Variants in DDR2 observed in about 807,000 individuals in gnomAD.
DDR2 encodes discoidin domain-containing receptor 2.
DDR2 carries 27 observed loss-of-function variants against 94.9 expected under a neutral mutation model. The ratio of observed to expected loss-of-function variants is 0.28; its 90% CI spans 0.21 to 0.39. The LOEUF (loss-of-function observed/expected upper bound fraction) is 0.39, where lower values mean the gene tolerates loss of function less well. Ranked by LOEUF, DDR2 falls within the 10% of genes least tolerant of loss-of-function variation. The pLI, the probability that DDR2 is intolerant of heterozygous loss-of-function variation, is 1.00. For synonymous variants in DDR2, 382 were observed against 377.2 expected (o/e 1.01, Z -0.15); for missense variants, 783 against 1,076.0 (o/e 0.73, Z 3.81).
At chr1:162,716,795 A>G (rs1445900776) in intron 2 of DDR2, among the ~76,000 whole-genome samples, 2 of 149,738 alleles carry the variant, frequency 1.3e-5, no homozygotes, top group Non-Finnish European at 3.0e-5. Flanking sequence ...GAAAAAGAAA[A>G]CTCCTTACTC....
intron 15 of DDR2, 93 bp downstream of exon 15, chr1:162,775,936 T>C: frequency 6.5e-7 from 1 of 1,537,986 alleles, no homozygotes; most frequent in Non-Finnish European, 8.9e-7. Flanking sequence ...AGTGTATCAA[T>C]GTTCTGGGAT....
At chr1:162,754,915 G>A in intron 5 of DDR2, 60 bp downstream of exon 5, 1 of 1,594,888 alleles carries the variant, frequency 6.3e-7, no homozygotes, top group Non-Finnish European at 8.6e-7. Context: ...CTTAGGCTAG[G>A]AGAAGAAGGG....
chr1:162,757,560 G>A (rs1472311156), intron 7 of DDR2, among the ~76,000 whole-genome samples: 1 of 152,156 alleles, frequency 6.6e-6, no homozygotes, highest in Admixed American at 6.5e-5. Flanking sequence ...AAAGCCAAAA[G>A]GAGCAAGAAG....
intron 11 of DDR2, 65 bp downstream of exon 11, chr1:162,767,424 C>T (rs1664052277): frequency 6.3e-7 from 1 of 1,596,748 alleles, no homozygotes; most frequent in South Asian, 1.1e-5. Flanking sequence ...CCACTGTTGT[C>T]CCAGGAGTAA....
In DDR2 at chr1:162,761,319, C is replaced by A. The variant is rs773385890; in HGVS notation, c.964C>A (p.Leu322Ile). The change falls in exon 9 of 18, where the codon CTT becomes ATT. Residue 322 changes from leucine to isoleucine, a missense_variant. Leu to Ile is a conservative substitution (Grantham distance 5). Around this residue, in one of 2 missense-constraint regions of DDR2, gnomAD observed 519 missense variants for 647.9 expected, o/e 0.80. Coordinates refer to ENST00000367921, the MANE Select transcript of DDR2 (RefSeq NM_006182.4). ...EWEPNAISFP[L>I]VLDDVNPSAR... Reference sequence around the variant, plus strand: ...GGAACCTAATGCCATTTCCTTCCCCCTTGTCCTGGATGACGTCAACCCCAG... The same window carrying A: ...GGAACCTAATGCCATTTCCTTCCCCATTGTCCTGGATGACGTCAACCCCAG... 5 of 1,614,228 alleles carry A rather than the reference C, an allele frequency of 3.1e-6. No homozygotes were observed. The highest frequency in any genetic ancestry group is 2.2e-5 in the South Asian group (2 of 91,084).
chr1:162,660,974 G>A (rs1396296052), intron 2 of DDR2, among the ~76,000 whole-genome samples: 1 of 152,206 alleles, frequency 6.6e-6, no homozygotes, highest in African/African-American at 2.4e-5. Context: ...TTATGTGAGT[G>A]ACTCTAAATA....
intron 2 of DDR2, among the ~76,000 whole-genome samples, chr1:162,684,661 G>A (rs1659580716): frequency 6.6e-6 from 1 of 152,106 alleles, no homozygotes; most frequent in Admixed American, 6.6e-5. Flanking sequence ...CTGTCTCCCA[G>A]TAGAATACTT....
At chr1:162,653,218 C>A (rs777211034) in intron 1 of DDR2, among the ~76,000 whole-genome samples, 1 of 152,112 alleles carries the variant, frequency 6.6e-6, no homozygotes, top group Non-Finnish European at 1.5e-5. Context: ...TCTACGTCAG[C>A]AAAATTGTGA....
intron 2 of DDR2, among the ~76,000 whole-genome samples, chr1:162,698,599 G>C (rs1200518378): frequency 1.3e-5 from 2 of 152,104 alleles, no homozygotes; most frequent in African/African-American, 2.4e-5. Context: ...TATGATTAGG[G>C]TTGTGCTAAC....
chr1:162,781,669 A>G lies in DDR2; in HGVS notation c.*1423A>G, dbSNP rs147405620. The stretch of plus-strand genomic sequence containing the variant: ...CTCTGAGATGGCGTGACCAGCAGAA[A>G]AGAAAGCTCAGGGCTGTGGCTTCAG... On this transcript the variant is annotated 3_prime_UTR_variant, in exon 18 of 18. Transcript: ENST00000367921. 17 of 152,296 alleles carry G rather than the reference A, an allele frequency of 1.1e-4. No individual in the cohort carries two copies. The highest frequency in any genetic ancestry group is 4.1e-4 in the African/African-American group (17 of 41,548). 9.4% of individuals were successfully genotyped at this position (152,296 alleles called of 1,614,324 possible). A position where few individuals can be genotyped will look rare whatever the true frequency, so the allele number is the denominator to read the frequency against.
chr1:162,634,171 C>T (rs947598015), intron 1 of DDR2, among the ~76,000 whole-genome samples: 11 of 152,306 alleles, frequency 7.2e-5, no homozygotes, highest in Non-Finnish European at 1.5e-4. Flanking sequence ...CACTTCTGCA[C>T]TTGGCTGAAC....
intron 11 of DDR2, among the ~76,000 whole-genome samples, chr1:162,768,239 G>A (rs1664098004): frequency 6.6e-6 from 1 of 151,988 alleles, no homozygotes; most frequent in Non-Finnish European, 1.5e-5. Flanking sequence ...TGGTTTCTTG[G>A]ACCAAATAGC....
At chr1:162,670,848 T>C (rs569883886) in intron 2 of DDR2, among the ~76,000 whole-genome samples, 1 of 152,302 alleles carries the variant, frequency 6.6e-6, no homozygotes, top group African/African-American at 2.4e-5. Flanking sequence ...TTATGTTAGC[T>C]GAGGAGCCAG....
chr1:162,641,808 A>G (rs1218370799), intron 1 of DDR2, among the ~76,000 whole-genome samples: 1 of 152,220 alleles, frequency 6.6e-6, no homozygotes, highest in Non-Finnish European at 1.5e-5. Flanking sequence ...CTGGACTTAA[A>G]TTTTAATTCT....
chr1:162,753,103 C>A lies in DDR2; in HGVS notation c.91C>A (p.Arg31Ser). The A allele has an allele frequency of 6.2e-7, 1 of 1,613,282 alleles. No individual in the cohort carries two copies. ...GGTTTCTCTTGGTCTAGCTATATGC[C>A]GCTATCCTCTGGGCATGTCAGGAGG... ...AKAQVNPAICRYPLGMSGGQI... is the reference protein window; with the variant it reads ...AKAQVNPAICSYPLGMSGGQI... The change falls in exon 4 of 18, where the codon CGC becomes AGC. Residue 31 changes from arginine (R) to serine (S), a missense_variant. By Grantham distance (110) the Arg-to-Ser change is moderately radical (BLOSUM62 -1). This residue lies in a region of DDR2 where 519 missense variants were observed against 647.9 expected (regional missense o/e 0.80). Transcript: ENST00000367921.
chr1:162,749,184 A>G (rs899423948), intron 3 of DDR2, among the ~76,000 whole-genome samples: 9 of 152,006 alleles, frequency 5.9e-5, no homozygotes, highest in African/African-American at 2.2e-4. Context: ...ATAGAGACAC[A>G]AAAAACCCTT....
At chr1:162,726,119 A>G (rs1661651366) in intron 3 of DDR2, among the ~76,000 whole-genome samples, 1 of 152,212 alleles carries the variant, frequency 6.6e-6, no homozygotes. Flanking sequence ...GTAAGAGAAT[A>G]TATGTAAAGT....
intron 2 of DDR2, among the ~76,000 whole-genome samples, chr1:162,681,826 C>G (rs1334102882): frequency 6.6e-6 from 1 of 152,148 alleles, no homozygotes; most frequent in Non-Finnish European, 1.5e-5. Context: ...TAAGGGGACA[C>G]AAACATTCAG....
rs749040833 is a variant in DDR2 at position 162,770,414 on chromosome 1, C to T, written c.1406C>T (p.Ser469Leu). 6 of 1,614,060 alleles carry T rather than the reference C, an allele frequency of 3.7e-6. No individual in the cohort carries two copies. Among genetic ancestry groups the T allele is most frequent in the South Asian group, 2.2e-5 (2 of 91,068 alleles). Residue 469 changes from serine to leucine, a missense_variant, in exon 12 of 18, where the codon TCG becomes TTG. Around this residue, in one of 2 missense-constraint regions of DDR2, gnomAD observed 519 missense variants for 647.9 expected, o/e 0.80. Coordinates refer to ENST00000367921, the MANE Select transcript of DDR2 (RefSeq NM_006182.4). ...SSSPSEQGSN[S>L]TYDRIFPLRP... ...TCACCTAGTGAACAAGGGTCCAACT[C>T]GACTTACGATCGCATCTTTCCCCTT...
Sources: gnomAD v4.1 joint callset for allele counts (sites outside exome capture counted in the v4.1 genomes callset) on GRCh38, gnomAD v4.1.1 for gene constraint, gnomAD v4.1.1 regional missense constraint, MANE v1.5 for transcripts, NCBI Gene and HGNC (gene_info 2026-07-23, HGNC 2026-07-21) for gene names.